CYB561: variants seen among roughly 807,000 people sequenced by gnomAD.
The protein encoded by CYB561 is cytochrome b561.
Under a neutral mutation model 25.3 loss-of-function variants are expected in CYB561, and 11 were observed. That is an observed-to-expected ratio of 0.44 (90% CI 0.27 to 0.72). The LOEUF is 0.72. Ranked by LOEUF, CYB561 falls within the 30% of genes least tolerant of loss-of-function variation. The pLI, the probability that CYB561 is intolerant of heterozygous loss-of-function variation, is 0.18. For missense variants in CYB561, 295 were observed against 334.9 expected (o/e 0.88, Z 0.93); for synonymous variants, 165 against 158.8 (o/e 1.04, Z -0.29).
intron 1 of CYB561, among the ~76,000 whole-genome samples, chr17:63,443,358 C>T (rs777010067): frequency 6.6e-6 from 1 of 152,140 alleles, no homozygotes; most frequent in African/African-American, 2.4e-5. Flanking sequence ...GCCGCAGGGG[C>T]TGCATTTCCA....
At chr17:63,438,461 G>A (rs981573600) in intron 1 of CYB561, 6 of 342,436 alleles carry the variant, frequency 1.8e-5, no homozygotes, top group East Asian at 9.2e-5. Flanking sequence ...CCACGCCCCC[G>A]CCCGCCCCCC....
At chr17:63,438,753 A>AATGAGAAG (rs2049344135) in intron 1 of CYB561, among the ~76,000 whole-genome samples, 1 of 152,122 alleles carries the variant, frequency 6.6e-6, no homozygotes, top group South Asian at 2.1e-4. Flanking sequence ...GCGAAGCAGC[A>AATGAGAAG]ATGAGAAGGC....
chr17:63,438,268 TA>T, intron 1 of CYB561: 1 of 1,505,134 alleles, frequency 6.6e-7, no homozygotes, highest in African/African-American at 1.4e-5. Context: ...ACAGGTGAGT[TA>T]CACAGGCAAG....
rs1293247884 is a variant in CYB561 at position 63,434,060 on chromosome 17, G to A, written c.*342C>T. On this transcript the variant is annotated 3_prime_UTR_variant, in exon 6 of 6. Transcript: ENST00000360793. The stretch of plus-strand genomic sequence containing the variant: ...CCCAGTTTCCCCTGGCCTTGCCCCA[G>A]GCATCTGCTGCCAGGAGGGTGGGGC... 2 of 273,096 alleles carry A rather than the reference G, an allele frequency of 7.3e-6. No individual in the cohort carries two copies. Among genetic ancestry groups the A allele is most frequent in the East Asian group, 6.5e-5 (1 of 15,414 alleles). The allele number at this position is 273,096 out of a possible 1,614,324, so 16.9% of individuals were successfully genotyped here. A position where few individuals can be genotyped will look rare whatever the true frequency, so the allele number is the denominator to read the frequency against.
At chr17:63,437,968 C>G (rs1331915271) in intron 1 of CYB561, 3 of 690,960 alleles carry the variant, frequency 4.3e-6, no homozygotes, top group Non-Finnish European at 6.8e-6. Context: ...CCTCCCACGG[C>G]GGCCCCGCCA....
Position 63,437,461 on chromosome 17 carries a change from G to A in CYB561, c.87C>T (p.Ala29=), listed in dbSNP as rs1355396455. 6.2e-7 allele frequency: 1 copy of A among 1,613,914 alleles called. No individual in the cohort carries two copies. The highest frequency in any genetic ancestry group is 1.1e-5 in the South Asian group (1 of 91,076). Residue 29 remains alanine, a synonymous_variant, in exon 2 of 6, where the codon GCC becomes GCT. Transcript: ENST00000360793. ...ACAGCCCGAGCCACGCGCCGGTCAT[G>A]GCCACCAAGGTCAGGCCCAGCAGCT... is the stretch of plus-strand genomic sequence containing the variant. The part of the protein sequence containing the change: ...FSQLLGLTLV[A]MTGAWLGLYR...
At position 63,433,275 on chromosome 17, in the gene CYB561, A is replaced by G; in HGVS notation, c.*1127T>C. Reference sequence around the variant, plus strand: ...GATGGTCTTGATCTCCTGGCCTCGCACACGATCAGTGTTCTAATCACACTA... The same window carrying G: ...GATGGTCTTGATCTCCTGGCCTCGCGCACGATCAGTGTTCTAATCACACTA... On this transcript the variant is annotated 3_prime_UTR_variant, in exon 6 of 6. Transcript: ENST00000360793. 2.5e-6 allele frequency: 1 copy of G among 397,986 alleles called. No individual in the cohort carries two copies. The highest frequency in any genetic ancestry group is 4.4e-6 in the Non-Finnish European group (1 of 225,852). 24.7% of individuals were successfully genotyped at this position (397,986 alleles called of 1,614,324 possible).
intron 1 of CYB561, chr17:63,440,952 A>G (rs1027714082): frequency 6.6e-6 from 1 of 152,180 alleles, no homozygotes; most frequent in African/African-American, 2.4e-5. Context: ...ACAAATTAGG[A>G]AGAACAGAGG....
chr17:63,438,452 C>T lies in CYB561; in HGVS notation c.-13-892G>A, dbSNP rs1473102148. On this transcript the variant is annotated intron_variant, in intron 1 of 5. Coordinates refer to ENST00000360793, the MANE Select transcript of CYB561 (RefSeq NM_001915.4). ...CCAGGAGAGCCAGCCCCGCTCCCCCCACGCCCCCGCCCGCCCCCCACCCCG... is the reference window on the plus strand; with the variant it reads ...CCAGGAGAGCCAGCCCCGCTCCCCCTACGCCCCCGCCCGCCCCCCACCCCG... 1.0e-3 allele frequency: 522 copies of T among 513,414 alleles called. 3 individuals are homozygous for T. The highest frequency in any genetic ancestry group is 9.2e-3 in the African/African-American group (464 of 50,216). 31.8% of individuals were successfully genotyped at this position (513,414 alleles called of 1,614,324 possible). A position where few individuals can be genotyped will look rare whatever the true frequency, so the allele number is the denominator to read the frequency against.
At chr17:63,438,255 T>G in intron 1 of CYB561, 1 of 1,532,264 alleles carries the variant, frequency 6.5e-7, no homozygotes. Context: ...CTGGGTGGGC[T>G]TTACAGGTGA....
At chr17:63,438,435 G>A in intron 1 of CYB561, 3 of 507,484 alleles carry the variant, frequency 5.9e-6, no homozygotes, top group Non-Finnish European at 7.1e-6. Context: ...ACCCAGGAGA[G>A]CCAGCCCCGC....
Position 63,433,486 on chromosome 17 carries a change from A to G in CYB561, c.*916T>C. 1 of 398,762 alleles carries G rather than the reference A, an allele frequency of 2.5e-6. No homozygotes were observed. The highest frequency in any genetic ancestry group is 4.4e-6 in the Non-Finnish European group (1 of 226,310). The allele number at this position is 398,762 out of a possible 1,614,324, so 24.7% of individuals were successfully genotyped here. ...CAGAGGCAGCAGCTCCAGCAGCCCC[A>G]GGGGGCTCTAGCCACAGCCAGCAGC... On this transcript the variant is annotated 3_prime_UTR_variant, in exon 6 of 6. Transcript: ENST00000360793.
intron 1 of CYB561, among the ~76,000 whole-genome samples, chr17:63,443,185 G>GCC (rs2049393713): frequency 6.6e-6 from 1 of 152,154 alleles, no homozygotes; most frequent in South Asian, 2.1e-4. Flanking sequence ...CACCCCAGTA[G>GCC]CCCCAGGAAG....
In CYB561 at chr17:63,438,419, C is replaced by T. The variant is rs1260152319; in HGVS notation, c.-13-859G>A. ...TGCTGGCGATGAGGAGGCCTCCCCA[C>T]CCCACACCCAGGAGAGCCAGCCCCG... On this transcript the variant is annotated intron_variant, in intron 1 of 5. Transcript: ENST00000360793. The T allele has an allele frequency of 1.6e-5, 9 of 545,616 alleles. No homozygotes were observed. The Admixed American group carries it at 2.8e-4, about 17-fold the overall frequency. The allele number at this position is 545,616 out of a possible 1,614,324, so 33.8% of individuals were successfully genotyped here. A position where few individuals can be genotyped will look rare whatever the true frequency, so the allele number is the denominator to read the frequency against.
chr17:63,434,626 C>G (rs1307290201), intron 5 of CYB561, 32 bp from the exon 6 acceptor site: 3 of 1,578,142 alleles, frequency 1.9e-6, no homozygotes, highest in Non-Finnish European at 2.6e-6. Flanking sequence ...AGAAGCTGCC[C>G]AAGGGGTCAC....
At chr17:63,437,975 G>GGGGCCCC in intron 1 of CYB561, 1 of 89,530 alleles carries the variant, frequency 1.1e-5, no homozygotes, top group South Asian at 1.0e-4. Flanking sequence ...CGGCGGCCCC[G>GGGGCCCC]CCACCCTCCC....
rs1479966327 is a variant in CYB561 at position 63,435,124 on chromosome 17, G to A, written c.525C>T (p.Ala175=). The change falls in exon 5 of 6, where the codon GCC becomes GCT. Residue 175 remains alanine (A), a synonymous_variant. Coordinates refer to ENST00000360793, the MANE Select transcript of CYB561 (RefSeq NM_001915.4). ...GCAGTGCCTCCTTCAGGCCCAGCAG[G>A]GCGGTGCCCACGGAAAGGAGGAAGA... ...ATIFLLSVGT[A]LLGLKEALLF... The A allele has an allele frequency of 1.9e-6, 3 of 1,614,056 alleles. No homozygotes were observed. The highest frequency in any genetic ancestry group is 2.5e-6 in the Non-Finnish European group (3 of 1,180,044).
chr17:63,434,742 GC>G, intron 5 of CYB561, 148 bp from the exon 6 acceptor site: 1 of 677,808 alleles, frequency 1.5e-6, no homozygotes, highest in Non-Finnish European at 2.4e-6. Flanking sequence ...CCATCCCCCC[GC>G]CCCCAACCAG....
At chr17:63,437,586 G>A (rs1338151713) in intron 1 of CYB561, 26 bp from the exon 2 acceptor site, 3 of 1,582,362 alleles carry the variant, frequency 1.9e-6, no homozygotes, top group African/African-American at 2.7e-5. Flanking sequence ...GAGCTCAGAG[G>A]AGCAGCGCAC....
Sources: gnomAD v4.1 joint callset for allele counts (sites outside exome capture counted in the v4.1 genomes callset) on GRCh38, gnomAD v4.1.1 for gene constraint, MANE v1.5 for transcripts, NCBI Gene and HGNC (gene_info 2026-07-23, HGNC 2026-07-21) for gene names.